The following NDST4 variants were observed in gnomAD, a reference collection of about 807,000 sequenced individuals.
The protein encoded by NDST4 is N-heparan sulfate sulfotransferase 4.
A neutral mutation model predicts 100.8 loss-of-function variants in NDST4; 63 were observed. That is an observed-to-expected ratio of 0.62 (90% confidence interval 0.51 to 0.77). The LOEUF (loss-of-function observed/expected upper bound fraction) is 0.77, where lower values mean the gene tolerates loss of function less well. Ranked by LOEUF, NDST4 falls within the 30% of genes least tolerant of loss-of-function variation. The pLI is 0.00. For synonymous variants in NDST4, 377 were observed against 361.8 expected (o/e 1.04, Z -0.48); for missense variants, 943 against 1,018.4 (o/e 0.93, Z 1.01).
rs572018637 is a variant in NDST4, at chr4:115,073,824, C to G, written c.978+2235G>C. Among the ~76,000 whole-genome samples the G allele has an allele frequency of 6.6e-5, 10 of 151,912 alleles. No individual in the cohort carries two copies. The South Asian group carries it at 2.1e-3, about 32-fold the overall frequency. ...GTTTTCACCAAAAAATGATAAGTAT[C>G]TGGGATAATTAATTCCTATGTCATT... On this transcript the variant is annotated intron_variant, in intron 2 of 13. Coordinates refer to ENST00000264363, the MANE Select transcript of NDST4 (RefSeq NM_022569.3).
chr4:114,951,103 A>C (rs1725980029), intron 4 of NDST4, among the ~76,000 whole-genome samples: 1 of 152,076 alleles, frequency 6.6e-6, no homozygotes, highest in South Asian at 2.1e-4. Context: ...AAGGACTGAC[A>C]AATGAAAGGA....
chr4:114,955,694 A>G (rs944512989), intron 4 of NDST4, among the ~76,000 whole-genome samples: 3 of 152,196 alleles, frequency 2.0e-5, no homozygotes, highest in Non-Finnish European at 2.9e-5. Flanking sequence ...TATTTTAAAA[A>G]CATTAAAAAT....
chr4:114,963,280 CAAT>C (rs1319662670), intron 4 of NDST4, among the ~76,000 whole-genome samples: 1 of 152,096 alleles, frequency 6.6e-6, no homozygotes, highest in Non-Finnish European at 1.5e-5. Flanking sequence ...ATATATGTTA[CAAT>C]GTGTTTGAAC....
intron 2 of NDST4, among the ~76,000 whole-genome samples, chr4:115,060,571 A>G (rs1425822485): frequency 6.6e-6 from 1 of 152,032 alleles, no homozygotes; most frequent in East Asian, 1.9e-4. Flanking sequence ...AAAATAAATT[A>G]TACTTTAAAA....
intron 2 of NDST4, among the ~76,000 whole-genome samples, chr4:115,062,135 CAAA>C (rs1013852030): frequency 6.6e-6 from 1 of 151,696 alleles, no homozygotes; most frequent in African/African-American, 2.4e-5. Context: ...GAACAACACT[CAAA>C]AAGAAAATGT....
At chr4:114,907,551 T>C (rs1724978285) in intron 6 of NDST4, among the ~76,000 whole-genome samples, 1 of 152,184 alleles carries the variant, frequency 6.6e-6, no homozygotes, top group African/African-American at 2.4e-5. Flanking sequence ...ATAAGCCACA[T>C]TGTTGAAGCA....
intron 4 of NDST4, among the ~76,000 whole-genome samples, chr4:114,959,920 A>G (rs1470738018): frequency 6.6e-6 from 1 of 152,210 alleles, no homozygotes; most frequent in Non-Finnish European, 1.5e-5. Flanking sequence ...AAAATTATTA[A>G]TTTACACATA....
At chr4:115,105,074 G>C (rs183354637) in intron 1 of NDST4, among the ~76,000 whole-genome samples, 1 of 152,188 alleles carries the variant, frequency 6.6e-6, no homozygotes, top group East Asian at 1.9e-4. Flanking sequence ...CATGAGTCAG[G>C]GCAAAGCAAG....
chr4:115,100,570 G>C (rs1393621159), intron 1 of NDST4, among the ~76,000 whole-genome samples: 4 of 151,958 alleles, frequency 2.6e-5, no homozygotes, highest in African/African-American at 9.7e-5. Context: ...TATTACACAT[G>C]CACAGTAGGA....
chr4:114,985,652 T>C (rs982484705), intron 2 of NDST4, among the ~76,000 whole-genome samples: 1 of 152,214 alleles, frequency 6.6e-6, no homozygotes, highest in Non-Finnish European at 1.5e-5. Context: ...GGAACCTACA[T>C]TCTTTTTAGA....
intron 2 of NDST4, among the ~76,000 whole-genome samples, chr4:115,026,778 A>C (rs1018153659): frequency 6.6e-6 from 1 of 152,022 alleles, no homozygotes; most frequent in African/African-American, 2.4e-5. Flanking sequence ...ACAGCATAGG[A>C]GCTTTCAGAT....
intron 1 of NDST4, among the ~76,000 whole-genome samples, chr4:115,079,531 G>A (rs1041442047): frequency 1.2e-4 from 19 of 152,050 alleles, no homozygotes; most frequent in Non-Finnish European, 2.1e-4. Context: ...AATAATTTTC[G>A]ATTTCCCAGT....
chr4:114,888,636 C>A (rs982706951), intron 6 of NDST4, among the ~76,000 whole-genome samples: 2 of 152,158 alleles, frequency 1.3e-5, no homozygotes, highest in Non-Finnish European at 2.9e-5. Flanking sequence ...AGGTTCTTAA[C>A]CATAGTTCTA....
At chr4:115,042,713 A>G (rs1728378229) in intron 2 of NDST4, among the ~76,000 whole-genome samples, 1 of 152,042 alleles carries the variant, frequency 6.6e-6, no homozygotes, top group Admixed American at 6.6e-5. Context: ...CCTGGCGGTG[A>G]GGGGAGACTA....
chr4:114,949,486 T>C (rs1725941832), intron 4 of NDST4, among the ~76,000 whole-genome samples: 2 of 151,894 alleles, frequency 1.3e-5, no homozygotes, highest in South Asian at 4.2e-4. Flanking sequence ...ACCTGTAGAG[T>C]AGTGGTTGCT....
At chr4:114,858,691 T>C (rs1404206575) in intron 7 of NDST4, among the ~76,000 whole-genome samples, 1 of 152,186 alleles carries the variant, frequency 6.6e-6, no homozygotes, top group African/African-American at 2.4e-5. Flanking sequence ...GTCCAGGAGT[T>C]GATGTGGGAA....
At chr4:114,867,016 C>A (rs551718299) in intron 7 of NDST4, among the ~76,000 whole-genome samples, 2 of 152,178 alleles carry the variant, frequency 1.3e-5, no homozygotes, top group Admixed American at 6.5e-5. Context: ...TGAAATCACC[C>A]TTGAGGAGGA....
chr4:114,828,984 T>C (rs2126178571), intron 13 of NDST4, among the ~76,000 whole-genome samples: 1 of 152,304 alleles, frequency 6.6e-6, no homozygotes, highest in East Asian at 1.9e-4. Context: ...GGATAAGATG[T>C]TTATAGTAGT....
intron 2 of NDST4, among the ~76,000 whole-genome samples, chr4:115,026,042 G>C (rs1418587006): frequency 6.6e-6 from 1 of 151,900 alleles, no homozygotes; most frequent in Non-Finnish European, 1.5e-5. Context: ...ACATTATTTA[G>C]AGCCCTTTTC....
Sources: allele counts gnomAD v4.1 joint callset (sites outside exome capture counted in the v4.1 genomes callset), GRCh38; gene constraint gnomAD v4.1.1; transcripts MANE v1.5; gene names NCBI Gene and HGNC (gene_info 2026-07-23, HGNC 2026-07-21).